LARGE1: variants seen among roughly 807,000 people sequenced by gnomAD.
LARGE1 encodes the protein xylosyl- and glucuronyltransferase LARGE1.
Under a neutral mutation model 87.6 loss-of-function variants are expected in LARGE1, and 43 were observed. The ratio of observed to expected loss-of-function variants is 0.49; its 90% CI spans 0.38 to 0.63. The LOEUF (loss-of-function observed/expected upper bound fraction) is 0.63, where lower values mean the gene tolerates loss of function less well. Ranked by LOEUF, LARGE1 falls within the 30% of genes least tolerant of loss-of-function variation. The pLI is 0.00. For synonymous variants in LARGE1, 434 were observed against 394.6 expected (o/e 1.10, Z -1.18); for missense variants, 802 against 1,000.2 (o/e 0.80, Z 2.67).
intron 1 of LARGE1, among the ~76,000 whole-genome samples, chr22:33,800,782 T>G (rs576269200): frequency 6.6e-6 from 1 of 152,342 alleles, no homozygotes; most frequent in Non-Finnish European, 1.5e-5. Flanking sequence ...TTTTGTTCAT[T>G]CATTCACCTG....
intron 6 of LARGE1, among the ~76,000 whole-genome samples, chr22:33,437,673 T>G (rs1157408272): frequency 6.6e-6 from 1 of 152,166 alleles, no homozygotes; most frequent in African/African-American, 2.4e-5. Flanking sequence ...TGTCCTTAGC[T>G]GACATGGCCC....
intron 7 of LARGE1, among the ~76,000 whole-genome samples, chr22:33,419,725 C>T (rs1466429422): frequency 1.3e-5 from 2 of 152,084 alleles, no homozygotes; most frequent in Non-Finnish European, 1.5e-5. Flanking sequence ...GAGTCTCGCT[C>T]TATTGCCCAG....
chr22:33,464,291 T>C (rs894311737), intron 6 of LARGE1, among the ~76,000 whole-genome samples: 1 of 152,046 alleles, frequency 6.6e-6, no homozygotes, highest in Non-Finnish European at 1.5e-5. Context: ...TAGAATACAA[T>C]AAGAAGAGTA....
At chr22:33,315,968 C>T in intron 11 of LARGE1, 117 bp downstream of exon 11, 1 of 1,216,552 alleles carries the variant, frequency 8.2e-7, no homozygotes, top group South Asian at 1.3e-5. Context: ...TCTCTTCCTG[C>T]TCCATCCTCC....
chr22:33,179,781 G>C (rs1333016034), intron 11 of LARGE1, among the ~76,000 whole-genome samples: 1 of 152,034 alleles, frequency 6.6e-6, no homozygotes, highest in African/African-American at 2.4e-5. Context: ...AGGTTCAAAG[G>C]GTTTTTCAAA....
chr22:33,519,337 A>C (rs2071462221), intron 6 of LARGE1, among the ~76,000 whole-genome samples: 1 of 152,106 alleles, frequency 6.6e-6, no homozygotes, highest in Admixed American at 6.5e-5. Context: ...GGAACAGCCA[A>C]GGCATAATTT....
At chr22:33,255,232 C>A (rs1269422786) in intron 11 of LARGE1, among the ~76,000 whole-genome samples, 1 of 152,204 alleles carries the variant, frequency 6.6e-6, no homozygotes, top group Non-Finnish European at 1.5e-5. Flanking sequence ...GCCACCGTGC[C>A]TGGCCCGGGA....
chr22:33,381,934 GTC>G lies in LARGE1; in HGVS notation c.1114_1115del (p.Asp372ArgfsTer3). 6.2e-7 allele frequency: 1 copy of G among 1,614,052 alleles called. No individual in the cohort carries two copies. The highest frequency in any genetic ancestry group is 1.7e-4 in the Middle Eastern group (1 of 6,050). Reference sequence around the variant, plus strand: ...TTGACCCTACCTTTAGATCAGACACGTCTCTGTAGCACTGCTCGGAGCGGGTG... The same window carrying G: ...TTGACCCTACCTTTAGATCAGACACGTCTGTAGCACTGCTCGGAGCGGGTG... Reference protein sequence around the residue: ...DHTRSEQCYRDVSDLKVIHWN... With the variant: ...DHTRSEQCYRXVSDLKVIHWN... On this transcript the variant is annotated frameshift_variant, in exon 9 of 15. Transcript: ENST00000397394. LOFTEE classifies it high-confidence loss of function.
chr22:33,174,121 C>T (rs538867938), intron 11 of LARGE1, among the ~76,000 whole-genome samples: 29 of 152,180 alleles, frequency 1.9e-4, no homozygotes, highest in African/African-American at 3.6e-4. Context: ...TGCAGAAGAA[C>T]GGAAATCATA....
At chr22:33,333,648 A>G (rs945856106) in intron 10 of LARGE1, among the ~76,000 whole-genome samples, 1 of 152,184 alleles carries the variant, frequency 6.6e-6, no homozygotes, top group Non-Finnish European at 1.5e-5. Flanking sequence ...CACTCAATAA[A>G]TATTTATTAG....
At chr22:33,836,284 T>C (rs1466238892) in intron 1 of LARGE1, among the ~76,000 whole-genome samples, 1 of 152,104 alleles carries the variant, frequency 6.6e-6, no homozygotes, top group African/African-American at 2.4e-5. Flanking sequence ...CTATGTAATA[T>C]GGGAAAATGG....
intron 1 of LARGE1, among the ~76,000 whole-genome samples, chr22:33,873,991 C>G (rs1045573417): frequency 1.3e-5 from 2 of 152,084 alleles, no homozygotes; most frequent in East Asian, 1.9e-4. Flanking sequence ...CTCTCTCCCC[C>G]TCCTCCGTCT....
intron 11 of LARGE1, among the ~76,000 whole-genome samples, chr22:33,206,496 A>G (rs1230521827): frequency 1.3e-5 from 2 of 152,092 alleles, no homozygotes; most frequent in South Asian, 2.1e-4. Flanking sequence ...TATGCTTTCT[A>G]TGACTTTTTG....
chr22:33,882,197 A>AT (rs903256217), intron 1 of LARGE1, among the ~76,000 whole-genome samples: 16 of 151,762 alleles, frequency 1.1e-4, no homozygotes, highest in African/African-American at 3.9e-4. Context: ...TGCCTGGCTA[A>AT]TTTTTTGTAT....
intron 2 of LARGE1, among the ~76,000 whole-genome samples, chr22:33,677,493 TC>T (rs1447755373): frequency 1.3e-5 from 2 of 151,986 alleles, no homozygotes; most frequent in African/African-American, 4.8e-5. Context: ...CCCTTACCCC[TC>T]CCTCACTGTC....
chr22:33,267,352 G>C (rs897015084), intron 11 of LARGE1, among the ~76,000 whole-genome samples: 5 of 151,710 alleles, frequency 3.3e-5, no homozygotes, highest in African/African-American at 1.2e-4. Flanking sequence ...TGGTAGCTGC[G>C]ATTGCTTAAA....
chr22:33,500,605 C>A (rs767681011), intron 6 of LARGE1, among the ~76,000 whole-genome samples: 1 of 152,184 alleles, frequency 6.6e-6, no homozygotes, highest in Admixed American at 6.5e-5. Flanking sequence ...CTGACTCTAA[C>A]TGCAGAATCA....
At chr22:33,078,772 A>T in the LARGE1 span, among the ~76,000 whole-genome samples, 3 of 152,218 alleles carry the variant, frequency 2.0e-5, no homozygotes, top group Non-Finnish European at 2.9e-5. Flanking sequence ...ATTACTCATG[A>T]CTTAGTGTGA....
chr22:33,451,927 G>A (rs1272637316), intron 6 of LARGE1, among the ~76,000 whole-genome samples: 4 of 152,142 alleles, frequency 2.6e-5, no homozygotes, highest in Non-Finnish European at 2.9e-5. Flanking sequence ...AACATACAAC[G>A]TTTGGTTTTC....
Sources: allele counts gnomAD v4.1 joint callset (sites outside exome capture counted in the v4.1 genomes callset), GRCh38; gene constraint gnomAD v4.1.1; transcripts MANE v1.5; gene names NCBI Gene and HGNC (gene_info 2026-07-23, HGNC 2026-07-21).